HINT1: variants seen among roughly 807,000 people sequenced by gnomAD.
The protein encoded by HINT1 is histidine triad nucleotide binding protein 1.
A neutral mutation model predicts 11.2 loss-of-function variants in HINT1; 12 were observed. The observed-to-expected ratio is 1.07, with a 90% CI of 0.69 to 1.74. The LOEUF (loss-of-function observed/expected upper bound fraction) is 1.74, where lower values mean the gene tolerates loss of function less well. HINT1 is among the 40% of genes most tolerant of loss of function. HINT1 has a pLI of 0.00. For synonymous variants in HINT1, 42 were observed against 52.6 expected (o/e 0.80, Z 0.87); for missense variants, 150 against 161.8 (o/e 0.93, Z 0.40).
At chr5:131,159,798 T>C (rs1437124351) in intron 2 of HINT1, among the ~76,000 whole-genome samples, 187 bp from the exon 3 acceptor site, 2 of 152,218 alleles carry the variant, frequency 1.3e-5, no homozygotes, top group South Asian at 2.1e-4. Context: ...TAAGATTAGG[T>C]ATTTATCATT....
At chr5:131,165,045 G>A in intron 1 of HINT1, 50 bp downstream of exon 1, 2 of 1,610,742 alleles carry the variant, frequency 1.2e-6, no homozygotes, top group African/African-American at 1.3e-5. Flanking sequence ...CCGAGGATCC[G>A]CGGACGATAC....
Position 131,159,506 on chromosome 5 carries a change from C to CA in HINT1, c.321dup (p.Val108CysfsTer26). The CA allele has an allele frequency of 2.5e-6, 4 of 1,613,702 alleles. No individual in the cohort carries two copies. Among genetic ancestry groups the CA allele is most frequent in the Non-Finnish European group, 3.4e-6 (4 of 1,179,992 alleles). On this transcript the variant is annotated frameshift_variant, in exon 3 of 3. Coordinates refer to ENST00000304043, the MANE Select transcript of HINT1 (RefSeq NM_005340.7). LOFTEE classifies it high-confidence loss of function. The stretch of plus-strand genomic sequence containing the variant: ...AGAACATGGAGATGAACGTGATAGA[C>CA]AGACTGTCCACCATCTGAACCTTCA...
intron 1 of HINT1, 142 bp downstream of exon 1, chr5:131,164,953 T>G: frequency 8.0e-7 from 1 of 1,250,186 alleles, no homozygotes; most frequent in Non-Finnish European, 1.1e-6. Flanking sequence ...GTCCGCTGGC[T>G]GGGGGCCCGC....
intron 2 of HINT1, chr5:131,160,542 T>C (rs1455664958): frequency 1.8e-5 from 4 of 225,352 alleles, no homozygotes; most frequent in Non-Finnish European, 3.0e-5. Context: ...TCTAAAAAGC[T>C]CTCAGGAAAG....
Position 131,159,516 on chromosome 5 carries a change from A to G in HINT1, c.312T>C (p.Gly104=). 6.2e-7 allele frequency: 1 copy of G among 1,613,892 alleles called. No individual in the cohort carries two copies. Among genetic ancestry groups the G allele is most frequent in the Non-Finnish European group, 8.5e-7 (1 of 1,179,976 alleles). ...GATGAACGTGATAGACAGACTGTCC[A>G]CCATCTGAACCTTCATTCACCACCA... ...YRMVVNEGSD[G]GQSVYHVHLH... is the part of the protein sequence containing the mutation. Residue 104 remains glycine (G), a synonymous_variant, in exon 3 of 3, where the codon GGT becomes GGC. Transcript: ENST00000304043.
intron 2 of HINT1, among the ~76,000 whole-genome samples, chr5:131,160,236 T>A (rs749200771): frequency 6.6e-6 from 1 of 152,184 alleles, no homozygotes; most frequent in Non-Finnish European, 1.5e-5. Context: ...ATGACTTCCT[T>A]ATGACCATTA....
intron 2 of HINT1, chr5:131,160,613 T>TC (rs2149651843): frequency 3.0e-6 from 2 of 673,380 alleles, no homozygotes; most frequent in Non-Finnish European, 3.8e-6. Context: ...ACATTTCTAT[T>TC]CCCATTACCT....
chr5:131,164,880 C>T (rs1222082071), intron 1 of HINT1, among the ~76,000 whole-genome samples: 1 of 151,776 alleles, frequency 6.6e-6, no homozygotes, highest in Non-Finnish European at 1.5e-5. Context: ...GCGCCCGGGG[C>T]AGATAACGAG....
chr5:131,159,691 T>C, intron 2 of HINT1, 80 bp from the exon 3 acceptor site: 1 of 1,327,150 alleles, frequency 7.5e-7, no homozygotes, highest in Non-Finnish European at 1.0e-6. Flanking sequence ...CAAGCTGAAA[T>C]ATCAAATCTT....
Position 131,165,238 on chromosome 5 carries a change from G to C in HINT1, c.-33C>G. The C allele has an allele frequency of 6.3e-7, 1 of 1,595,912 alleles. No homozygotes were observed. Among genetic ancestry groups the C allele is most frequent in the Non-Finnish European group, 8.5e-7 (1 of 1,176,870 alleles). ...TCTCTCCCGCGCGGCGGCCAGAGGA[G>C]AGGCTCGGAAGAAGGGAGGAACCCG... On this transcript the variant is annotated 5_prime_UTR_variant, in exon 1 of 3. Coordinates refer to ENST00000304043, the MANE Select transcript of HINT1 (RefSeq NM_005340.7).
Position 131,165,159 on chromosome 5 carries a change from T to C in HINT1, c.47A>G (p.Asp16Gly). The C allele has an allele frequency of 1.2e-6, 2 of 1,611,990 alleles. No homozygotes were observed. The highest frequency in any genetic ancestry group is 2.2e-5 in the South Asian group (2 of 91,086). The part of the protein sequence containing the change: ...AKAQVARPGG[D>G]TIFGKIIRKE... Reference sequence around the variant, plus strand: ...GCGGATGATCTTCCCAAAGATCGTGTCGCCACCAGGCCGAGCGACCTGAGC... The same window carrying C: ...GCGGATGATCTTCCCAAAGATCGTGCCGCCACCAGGCCGAGCGACCTGAGC... Residue 16 changes from aspartate to glycine, a missense_variant, in exon 1 of 3, where the codon GAC becomes GGC. By Grantham distance (94) the Asp-to-Gly change is moderately conservative. Transcript: ENST00000304043.
chr5:131,162,409 C>T, intron 2 of HINT1, 163 bp downstream of exon 2: 1 of 1,416,006 alleles, frequency 7.1e-7, no homozygotes, highest in Non-Finnish European at 9.6e-7. Context: ...CAAAATGATG[C>T]AGTAACTTTG....
chr5:131,159,473 G>T lies in HINT1; in HGVS notation c.355C>A (p.Arg119=). 6.2e-7 allele frequency: 1 copy of T among 1,612,226 alleles called. No homozygotes were observed. Among genetic ancestry groups the T allele is most frequent in the South Asian group, 1.1e-5 (1 of 90,944 alleles). The change falls in exon 3 of 3, where the codon CGG becomes AGG. Residue 119 remains arginine (R), a synonymous_variant. Coordinates refer to ENST00000304043, the MANE Select transcript of HINT1 (RefSeq NM_005340.7). ...TAACCAGGAGGCCAATGCATTTGCC[G>T]ACCTCCAAGAACATGGAGATGAACG... The part of the protein sequence containing the change: ...YHVHLHVLGG[R]QMHWPPG
chr5:131,164,781 C>A (rs896368616), intron 1 of HINT1, among the ~76,000 whole-genome samples: 9 of 152,178 alleles, frequency 5.9e-5, no homozygotes, highest in African/African-American at 1.9e-4. Context: ...GCCGGGGAAC[C>A]GGCGGGCTTC....
chr5:131,161,064 A>T (rs1364142160), intron 2 of HINT1, among the ~76,000 whole-genome samples: 1 of 152,226 alleles, frequency 6.6e-6, no homozygotes, highest in Non-Finnish European at 1.5e-5. Flanking sequence ...AAAATTTTGT[A>T]CAGCAGATAC....
chr5:131,162,310 C>T (rs1325425575), intron 2 of HINT1: 36 of 696,546 alleles, frequency 5.2e-5, no homozygotes, highest in Non-Finnish European at 7.9e-5. Context: ...CAGAGCAAGA[C>T]TCTGTCTCAA....
rs1048861015 is a variant in HINT1, at chr5:131,164,461, G to A, written c.111+634C>T. Among the ~76,000 whole-genome samples the A allele has an allele frequency of 7.2e-5, 11 of 152,350 alleles. 1 individual carries two copies. The South Asian group carries it at 2.3e-3, about 32-fold the overall frequency. On this transcript the variant is annotated intron_variant, in intron 1 of 2. Coordinates refer to ENST00000304043, the MANE Select transcript of HINT1 (RefSeq NM_005340.7). The stretch of plus-strand genomic sequence containing the variant: ...GACGCGGGCCCACTTCTTATCTCAG[G>A]AGATCGCCTCGCTAGCCCAGGGTAG...
At chr5:131,164,993 C>T in intron 1 of HINT1, 102 bp downstream of exon 1, 2 of 1,529,422 alleles carry the variant, frequency 1.3e-6, no homozygotes, top group Middle Eastern at 1.7e-4. Flanking sequence ...CCCCTCCCGT[C>T]GCCGCTACAC....
chr5:131,160,186 T>G (rs1476423791), intron 2 of HINT1, among the ~76,000 whole-genome samples: 3 of 121,556 alleles, frequency 2.5e-5, no homozygotes, highest in African/African-American at 1.7e-4. Context: ...CAAGTGCTGT[T>G]TTAAGTTTTC....
Sources: gnomAD v4.1 joint callset for allele counts (sites outside exome capture counted in the v4.1 genomes callset) on GRCh38, gnomAD v4.1.1 for gene constraint, MANE v1.5 for transcripts, NCBI Gene and HGNC (gene_info 2026-07-23, HGNC 2026-07-21) for gene names.